Variants in PCDHA4 observed in about 807,000 individuals in gnomAD.
PCDHA4 encodes the protein protocadherin alpha-4.
Under a neutral mutation model 61.4 loss-of-function variants are expected in PCDHA4, and 49 were observed. The observed-to-expected ratio is 0.80, with a 90% CI of 0.63 to 1.01. The LOEUF (loss-of-function observed/expected upper bound fraction) is 1.01. Ranked by LOEUF, PCDHA4 falls within the 50% of genes least tolerant of loss-of-function variation. The pLI, the probability that PCDHA4 is intolerant of heterozygous loss-of-function variation, is 0.00. For synonymous variants in PCDHA4, 590 were observed against 550.3 expected (o/e 1.07, Z -1.01); for missense variants, 1,254 against 1,235.8 (o/e 1.01, Z -0.22).
intron 1 of PCDHA4, chr5:140,930,379 G>T (rs1249793792): frequency 6.6e-6 from 1 of 151,896 alleles, no homozygotes; most frequent in African/African-American, 2.4e-5. Flanking sequence ...GTGGCCCTTG[G>T]CATTTCAAAA....
intron 1 of PCDHA4, chr5:140,966,946 C>T: frequency 6.2e-7 from 1 of 1,603,486 alleles, no homozygotes; most frequent in Non-Finnish European, 8.5e-7. Flanking sequence ...TCGTGGGCAA[C>T]GTGGCTCGCG....
At chr5:140,852,881 A>G in intron 1 of PCDHA4, 1 of 940,356 alleles carries the variant, frequency 1.1e-6, no homozygotes, top group Non-Finnish European at 1.3e-6. Flanking sequence ...TAATCATAAA[A>G]CGTATTTTTT....
chr5:140,810,525 G>C (rs1764675937), intron 1 of PCDHA4: 1 of 151,988 alleles, frequency 6.6e-6, no homozygotes, highest in Non-Finnish European at 1.5e-5. Context: ...CATTTTACTG[G>C]GTGACTTTTG....
chr5:140,823,086 C>G (rs2150122075), intron 1 of PCDHA4: 43 of 1,613,882 alleles, frequency 2.7e-5, no homozygotes, highest in Middle Eastern at 1.7e-4. Flanking sequence ...TGTGGGCCAC[C>G]GCCAGCGTGT....
chr5:140,857,805 C>T lies in PCDHA4; in HGVS notation c.2385+48233C>T, dbSNP rs1311256758. On this transcript the variant is annotated intron_variant, in intron 1 of 3. Coordinates refer to ENST00000530339, the MANE Select transcript of PCDHA4 (RefSeq NM_018907.4). ...GAGCTGGTGCTGCGGTCGGTGGTTG[C>T]GGGTCACGTGGTGGCTAAGGTGCGC... The T allele has an allele frequency of 2.9e-5, 47 of 1,597,594 alleles. 7 individuals are homozygous for T. The highest frequency in any genetic ancestry group is 5.1e-5 in the Admixed American group (3 of 59,234).
At chr5:140,820,528 T>C (rs1766776275) in intron 1 of PCDHA4, among the ~76,000 whole-genome samples, 1 of 152,078 alleles carries the variant, frequency 6.6e-6, no homozygotes, top group South Asian at 2.1e-4. Flanking sequence ...GAATGTTAGC[T>C]ATTTCTTCAA....
At position 140,875,345 on chromosome 5, in the gene PCDHA4, A is replaced by T. The variant is rs183266244; in HGVS notation, c.2385+65773A>T. 3,872 of 1,443,290 alleles carry T rather than the reference A, an allele frequency of 2.7e-3. 16 individuals are homozygous for T. The highest frequency in any genetic ancestry group is 0.011 in the African/African-American group (735 of 69,882). 89.4% of individuals were successfully genotyped at this position (1,443,290 alleles called of 1,614,324 possible). On this transcript the variant is annotated intron_variant, in intron 1 of 3. Coordinates refer to ENST00000530339, the MANE Select transcript of PCDHA4 (RefSeq NM_018907.4). ...TTCACGGAATAGGATCGACTCCATA[A>T]TGACTGTGATGCTGGAAAAAATTTA...
At chr5:140,953,058 C>T (rs1186621578) in intron 1 of PCDHA4, among the ~76,000 whole-genome samples, 1 of 152,202 alleles carries the variant, frequency 6.6e-6, no homozygotes, top group African/African-American at 2.4e-5. Flanking sequence ...TCACCTCTCA[C>T]AGGCCCCATC....
At chr5:140,956,141 C>A (rs1181002106) in intron 1 of PCDHA4, among the ~76,000 whole-genome samples, 2 of 152,122 alleles carry the variant, frequency 1.3e-5, no homozygotes, top group Non-Finnish European at 2.9e-5. Context: ...CCCTTTATTT[C>A]TTTCTCTTTC....
intron 1 of PCDHA4, chr5:140,848,505 T>G: frequency 6.3e-7 from 1 of 1,587,952 alleles, no homozygotes; most frequent in South Asian, 1.1e-5. Context: ...AATGTTATAC[T>G]CAAGTCGAGG....
intron 1 of PCDHA4, among the ~76,000 whole-genome samples, chr5:140,854,934 C>G (rs1363898254): frequency 6.7e-6 from 1 of 149,702 alleles, no homozygotes; most frequent in Non-Finnish European, 1.5e-5. Flanking sequence ...CCTCTGAAAG[C>G]AGAAATAATA....
rs2150415705 is a variant in PCDHA4 at position 140,848,636 on chromosome 5, C to G, written c.2385+39064C>G. 17 of 1,593,284 alleles carry G rather than the reference C, an allele frequency of 1.1e-5. 2 individuals carry two copies. The highest frequency in any genetic ancestry group is 6.7e-5 in the African/African-American group (5 of 74,384). On this transcript the variant is annotated intron_variant, in intron 1 of 3. Transcript: ENST00000530339. Reference sequence around the variant, plus strand: ...CCGAACACGGCACCTTCGTGGGCCGCATCGCGCAGGACCTGGGGCTGGAGC... The same window carrying G: ...CCGAACACGGCACCTTCGTGGGCCGGATCGCGCAGGACCTGGGGCTGGAGC...
At position 140,868,819 on chromosome 5, in the gene PCDHA4, G is replaced by A. The variant is rs2050665181; in HGVS notation, c.2385+59247G>A. The A allele has an allele frequency of 7.5e-5, 29 of 388,032 alleles. No individual in the cohort carries two copies. In the East Asian group the frequency reaches 1.2e-3, roughly 16 times the overall value. The allele number at this position is 388,032 out of a possible 1,614,324, so 24.0% of individuals were successfully genotyped here. On this transcript the variant is annotated intron_variant, in intron 1 of 3. Transcript: ENST00000530339. ...ATAAATAAGCACGTTGGAAATATTT[G>A]GGGGAAGAAACCCAAAACACGTGAA...
chr5:140,982,224 A>T, intron 2 of PCDHA4: 1 of 587,320 alleles, frequency 1.7e-6, no homozygotes, highest in South Asian at 3.8e-5. Context: ...TGGCGTTAAT[A>T]AAAAACAGAA....
chr5:140,823,351 G>C (rs1272348746), intron 1 of PCDHA4: 3 of 1,612,448 alleles, frequency 1.9e-6, no homozygotes, highest in African/African-American at 2.7e-5. Context: ...GGACCACGAG[G>C]AAGTGGAGCT....
At chr5:140,884,388 T>C in intron 1 of PCDHA4, 1 of 1,613,960 alleles carries the variant, frequency 6.2e-7, no homozygotes, top group Non-Finnish European at 8.5e-7. Flanking sequence ...ATCTGCGCGG[T>C]GTCCAGCCTG....
chr5:140,968,127 C>T (rs1217974732), intron 1 of PCDHA4: 7 of 1,614,064 alleles, frequency 4.3e-6, no homozygotes, highest in Non-Finnish European at 5.9e-6. Context: ...TCCCTGCGTA[C>T]ACTGAAGGTT....
chr5:140,967,262 C>G (rs1554229356), intron 1 of PCDHA4: 1 of 1,613,522 alleles, frequency 6.2e-7, no homozygotes, highest in African/African-American at 1.3e-5. Flanking sequence ...GCCTGGAGCG[C>G]GCTTTCACAT....
intron 1 of PCDHA4, among the ~76,000 whole-genome samples, chr5:140,838,285 T>A (rs1262712034): frequency 2.0e-5 from 3 of 149,460 alleles, no homozygotes; most frequent in Admixed American, 6.6e-5. Flanking sequence ...TGCTAATTTT[T>A]TTTTTTTTTT....
Sources: gnomAD v4.1 joint callset for allele counts (sites outside exome capture counted in the v4.1 genomes callset) on GRCh38, gnomAD v4.1.1 for gene constraint, MANE v1.5 for transcripts, NCBI Gene and HGNC (gene_info 2026-07-23, HGNC 2026-07-21) for gene names.